Variants in PRICKLE2 observed in about 807,000 individuals in gnomAD.
PRICKLE2 encodes the protein prickle planar cell polarity protein 2.
A neutral mutation model predicts 81.4 loss-of-function variants in PRICKLE2; 21 were observed. That is an observed-to-expected ratio of 0.26 (90% confidence interval 0.18 to 0.37). The LOEUF is 0.37. Among genes scored for constraint, PRICKLE2 ranks in the 10% least tolerant of loss-of-function variants. The pLI, the probability that PRICKLE2 is intolerant of heterozygous loss-of-function variation, is 1.00. For missense variants in PRICKLE2, 940 were observed against 1,109.0 expected (o/e 0.85, Z 2.16); for synonymous variants, 456 against 421.5 (o/e 1.08, Z -1.00).
chr3:64,136,044 T>C (rs1018892854), intron 7 of PRICKLE2, among the ~76,000 whole-genome samples: 5 of 152,172 alleles, frequency 3.3e-5, no homozygotes, highest in Non-Finnish European at 5.9e-5. Flanking sequence ...ATTTAATCCA[T>C]ACTATGTAAT....
chr3:64,150,657 C>T (rs561650735), intron 6 of PRICKLE2, among the ~76,000 whole-genome samples: 19 of 152,284 alleles, frequency 1.2e-4, no homozygotes, highest in East Asian at 1.9e-4. Flanking sequence ...AGAGCAGCTG[C>T]GGCTATCCCC....
intron 7 of PRICKLE2, among the ~76,000 whole-genome samples, chr3:64,115,409 CTGCA>C (rs1490258320): frequency 6.6e-6 from 1 of 152,098 alleles, no homozygotes; most frequent in Non-Finnish European, 1.5e-5. Context: ...GTGTGGCAAG[CTGCA>C]TGAAGAACCA....
intron 1 of PRICKLE2, among the ~76,000 whole-genome samples, chr3:64,223,703 A>C (rs2078989744): frequency 6.6e-6 from 1 of 152,202 alleles, no homozygotes; most frequent in African/African-American, 2.4e-5. Context: ...AAGGCATTAA[A>C]ATCCAAATTT....
intron 2 of PRICKLE2, among the ~76,000 whole-genome samples, chr3:64,169,515 G>A (rs192975503): frequency 2.0e-5 from 3 of 152,126 alleles, no homozygotes; most frequent in African/African-American, 7.2e-5. Context: ...AGAATCATCT[G>A]AGGCCTTTAT....
At chr3:64,242,121 A>G (rs1026617427) in intron 2 of PRICKLE2, among the ~76,000 whole-genome samples, 5 of 152,244 alleles carry the variant, frequency 3.3e-5, no homozygotes, top group African/African-American at 1.2e-4. Context: ...AAGGGATCAG[A>G]GGTCTTATTT....
intron 1 of PRICKLE2, among the ~76,000 whole-genome samples, chr3:64,203,832 G>T (rs954371615): frequency 1.3e-5 from 2 of 149,668 alleles, no homozygotes; most frequent in Non-Finnish European, 3.0e-5. Flanking sequence ...AAAAACATCA[G>T]CTGGGCATGG....
chr3:64,259,973 G>A (rs2079592507), intron 2 of PRICKLE2, among the ~76,000 whole-genome samples: 1 of 152,156 alleles, frequency 6.6e-6, no homozygotes, highest in African/African-American at 2.4e-5. Flanking sequence ...CTCTCCCTAA[G>A]CATAACACAG....
intron 2 of PRICKLE2, among the ~76,000 whole-genome samples, chr3:64,234,223 A>G (rs935538454): frequency 3.3e-5 from 5 of 152,136 alleles, no homozygotes; most frequent in African/African-American, 1.2e-4. Flanking sequence ...TAGGTTTAAC[A>G]TTTCATAGAA....
chr3:64,102,849 G>T (rs1448624230), intron 7 of PRICKLE2: 1 of 152,178 alleles, frequency 6.6e-6, no homozygotes, highest in Non-Finnish European at 1.5e-5. Flanking sequence ...TAATAATGGT[G>T]ATAATGTGGG....
At chr3:64,260,994 G>C (rs555318332) in intron 2 of PRICKLE2, among the ~76,000 whole-genome samples, 78 of 152,272 alleles carry the variant, frequency 5.1e-4, no homozygotes, top group Middle Eastern at 3.4e-3. Flanking sequence ...TCAGAAGCTT[G>C]GGGTCTTCAG....
At chr3:64,166,895 G>A (rs2077842918) in intron 2 of PRICKLE2, among the ~76,000 whole-genome samples, 1 of 152,168 alleles carries the variant, frequency 6.6e-6, no homozygotes, top group Non-Finnish European at 1.5e-5. Context: ...GCCTCCTGGT[G>A]TTTAGATGCT....
At chr3:64,114,776 A>T (rs2076909276) in intron 7 of PRICKLE2, among the ~76,000 whole-genome samples, 1 of 152,218 alleles carries the variant, frequency 6.6e-6, no homozygotes, top group Non-Finnish European at 1.5e-5. Context: ...GATGGGGAGA[A>T]TGGAACCAAC....
chr3:64,215,144 A>T (rs1259207992), intron 1 of PRICKLE2, among the ~76,000 whole-genome samples: 1 of 152,134 alleles, frequency 6.6e-6, no homozygotes, highest in Non-Finnish European at 1.5e-5. Flanking sequence ...ATGAAGCACA[A>T]ACTCCTTAAC....
chr3:64,152,078 T>C (rs2077556726), intron 6 of PRICKLE2, among the ~76,000 whole-genome samples: 1 of 152,212 alleles, frequency 6.6e-6, no homozygotes, highest in South Asian at 2.1e-4. Context: ...CACAGAGCTC[T>C]CCAAATACTA....
rs79159927 is a variant in PRICKLE2, at chr3:64,146,453, G to A, written c.1660+377C>T. 180 of 237,994 alleles carry A rather than the reference G, an allele frequency of 7.6e-4. No homozygotes were observed. In the East Asian group the frequency reaches 0.012, roughly 16 times the overall value. The allele number at this position is 237,994 out of a possible 1,614,324, so 14.7% of individuals were successfully genotyped here. A position where few individuals can be genotyped will look rare whatever the true frequency, so the allele number is the denominator to read the frequency against. ...CGTGGCAGAAACAACATTAAAATCC[G>A]GAGGACCAGGCTGGGCACGGTGGCT... On this transcript the variant is annotated intron_variant, in intron 7 of 7. Coordinates refer to ENST00000638394, the MANE Select transcript of PRICKLE2 (RefSeq NM_198859.4).
intron 2 of PRICKLE2, among the ~76,000 whole-genome samples, chr3:64,178,973 TTC>T (rs1257068079): frequency 1.2e-5 from 1 of 84,452 alleles, no homozygotes; most frequent in Non-Finnish European, 2.5e-5. Context: ...TTTTCTTTCT[TTC>T]TTTCTTTCTT....
In PRICKLE2 at chr3:64,097,632, T is replaced by G. The variant is rs952379770; in HGVS notation, c.*1419A>C. On this transcript the variant is annotated 3_prime_UTR_variant, in exon 8 of 8. Transcript: ENST00000638394. ...ATTTTCTGACCAACAGTCCTCAAAGTTCAAAATGGAAATACCCTCCCAACA... is the reference window on the plus strand; with the variant it reads ...ATTTTCTGACCAACAGTCCTCAAAGGTCAAAATGGAAATACCCTCCCAACA... 4 of 152,688 alleles carry G rather than the reference T, an allele frequency of 2.6e-5. No homozygotes were observed. Among genetic ancestry groups the G allele is most frequent in the Non-Finnish European group, 2.9e-5 (2 of 68,022 alleles). The allele number at this position is 152,688 out of a possible 1,614,324, so 9.5% of individuals were successfully genotyped here. A position where few individuals can be genotyped will look rare whatever the true frequency, so the allele number is the denominator to read the frequency against.
chr3:64,202,673 TA>T (rs2078608309), intron 1 of PRICKLE2, among the ~76,000 whole-genome samples: 1 of 151,744 alleles, frequency 6.6e-6, no homozygotes, highest in African/African-American at 2.4e-5. Flanking sequence ...TGTGTGTGTG[TA>T]TTCTTTAGAA....
At chr3:64,117,567 C>T (rs1447497934) in intron 7 of PRICKLE2, among the ~76,000 whole-genome samples, 1 of 151,970 alleles carries the variant, frequency 6.6e-6, no homozygotes, top group Non-Finnish European at 1.5e-5. Flanking sequence ...ATAGTCAAGC[C>T]AAAAGCCAGA....
Sources: gnomAD v4.1 joint callset for allele counts (sites outside exome capture counted in the v4.1 genomes callset) on GRCh38, gnomAD v4.1.1 for gene constraint, MANE v1.5 for transcripts, NCBI Gene and HGNC (gene_info 2026-07-23, HGNC 2026-07-21) for gene names.